Variants in PDE10A observed in about 807,000 individuals in gnomAD.
PDE10A encodes the protein cAMP and cAMP-inhibited cGMP 3',5'-cyclic phosphodiesterase 10A.
Under a neutral mutation model 97.7 loss-of-function variants are expected in PDE10A, and 39 were observed. The observed-to-expected ratio is 0.40, with a 90% CI of 0.31 to 0.52. PDE10A has a LOEUF of 0.52. PDE10A is among the 20% of genes least tolerant of loss of function. PDE10A has a pLI of 0.56. For missense variants in PDE10A, 731 were observed against 1,047.8 expected, an observed-to-expected ratio of 0.70 and a Z score of 4.17; for synonymous variants, 371 against 376.8, an observed-to-expected ratio of 0.98 and a Z score of 0.18.
chr6:165,602,854 A>G (rs1787030230), intron 1 of PDE10A, among the ~76,000 whole-genome samples: 1 of 152,108 alleles, frequency 6.6e-6, no homozygotes, highest in African/African-American at 2.4e-5. Flanking sequence ...CTATCACTGA[A>G]GAGCCTCATC....
At chr6:165,919,967 G>T (rs935213124) in intron 1 of PDE10A, among the ~76,000 whole-genome samples, 1 of 152,042 alleles carries the variant, frequency 6.6e-6, no homozygotes. Context: ...TTTTGGTATG[G>T]CTTATGCCAT....
intron 1 of PDE10A, among the ~76,000 whole-genome samples, chr6:165,746,351 A>C (rs1250436855): frequency 6.6e-6 from 1 of 152,214 alleles, no homozygotes; most frequent in Admixed American, 6.5e-5. Flanking sequence ...AGATTCTATC[A>C]AAGATTATTT....
intron 16 of PDE10A, among the ~76,000 whole-genome samples, chr6:165,389,073 G>A (rs964940932): frequency 6.6e-6 from 1 of 152,152 alleles, no homozygotes; most frequent in Non-Finnish European, 1.5e-5. Flanking sequence ...AGAGCACGCC[G>A]GGCAGGGGAG....
At chr6:165,870,890 T>C (rs1781188183) in intron 1 of PDE10A, among the ~76,000 whole-genome samples, 1 of 152,054 alleles carries the variant, frequency 6.6e-6, no homozygotes, top group Non-Finnish European at 1.5e-5. Flanking sequence ...ATGTGGGAGC[T>C]AAAAATGTTG....
intron 1 of PDE10A, among the ~76,000 whole-genome samples, chr6:165,750,914 AGTT>A (rs1299617681): frequency 6.6e-6 from 1 of 152,174 alleles, no homozygotes; most frequent in Non-Finnish European, 1.5e-5. Context: ...TTGTGTCCTA[AGTT>A]GTTGTTGGCA....
intron 5 of PDE10A, among the ~76,000 whole-genome samples, chr6:165,441,339 T>C (rs1222371403): frequency 6.6e-6 from 1 of 152,248 alleles, no homozygotes; most frequent in Non-Finnish European, 1.5e-5. Flanking sequence ...CTACTGCTTA[T>C]ACATTCTTTG....
intron 1 of PDE10A, among the ~76,000 whole-genome samples, chr6:165,904,924 A>G (rs1782219862): frequency 6.6e-6 from 1 of 152,236 alleles, no homozygotes; most frequent in African/African-American, 2.4e-5. Context: ...CTACTAATTA[A>G]TAGATTTGAG....
intron 18 of PDE10A, among the ~76,000 whole-genome samples, chr6:165,371,390 G>A (rs917560725): frequency 5.3e-5 from 8 of 152,082 alleles, no homozygotes; most frequent in Non-Finnish European, 8.8e-5. Flanking sequence ...AAATGATAAA[G>A]GGCATATTGC....
intron 1 of PDE10A, among the ~76,000 whole-genome samples, chr6:165,551,991 T>C (rs634651): frequency 0.71 from 108,085 of 151,754 alleles, 39,091 homozygotes; most frequent in African/African-American, 0.84. Context: ...ACCTCATCCA[T>C]GGTCTTCGCT....
At chr6:165,635,472 AGTGT>A (rs60572651) in intron 1 of PDE10A, among the ~76,000 whole-genome samples, 2 of 150,968 alleles carry the variant, frequency 1.3e-5, no homozygotes, top group African/African-American at 2.4e-5. Context: ...GTGGGGTGTG[AGTGT>A]GTGTGTGTGT....
At chr6:165,725,246 A>C (rs564091041) in intron 1 of PDE10A, among the ~76,000 whole-genome samples, 22 of 152,354 alleles carry the variant, frequency 1.4e-4, no homozygotes, top group Admixed American at 1.3e-3. Flanking sequence ...GAAACCCAGA[A>C]TACAGAAAGC....
At chr6:165,402,668 T>C (rs957985061) in intron 13 of PDE10A, among the ~76,000 whole-genome samples, 1 of 152,168 alleles carries the variant, frequency 6.6e-6, no homozygotes, top group Non-Finnish European at 1.5e-5. Context: ...GGCACGAGGA[T>C]ATTGAAAAGG....
At chr6:165,807,225 A>ACTTATGATGTCACACTTATGTCCACACT (rs879858485) in intron 1 of PDE10A, among the ~76,000 whole-genome samples, 2,167 of 152,288 alleles carry the variant, frequency 0.014, 42 homozygotes, top group African/African-American at 0.049. Flanking sequence ...CATAAGTCAG[A>ACTTATGATGTCACACTTATGTCCACACT]TAAGCAGATG....
chr6:165,619,654 GTAGTA>G (rs1368563157), intron 1 of PDE10A, among the ~76,000 whole-genome samples: 1 of 150,014 alleles, frequency 6.7e-6, no homozygotes, highest in South Asian at 2.1e-4. Flanking sequence ...ATAGTCTAGT[GTAGTA>G]TAGTCTAGTG....
intron 13 of PDE10A, among the ~76,000 whole-genome samples, chr6:165,406,301 G>C (rs1188913893): frequency 2.0e-5 from 3 of 148,130 alleles, no homozygotes; most frequent in Non-Finnish European, 3.0e-5. Flanking sequence ...GGAGATAGTT[G>C]AATTTTAGGA....
chr6:165,821,575 C>T (rs544973598), intron 1 of PDE10A, among the ~76,000 whole-genome samples: 36 of 152,082 alleles, frequency 2.4e-4, no homozygotes, highest in African/African-American at 8.0e-4. Context: ...AGTGCAGTGG[C>T]GTGCGTGATC....
intron 1 of PDE10A, among the ~76,000 whole-genome samples, chr6:165,622,642 T>C (rs1188232463): frequency 6.6e-6 from 1 of 152,178 alleles, no homozygotes; most frequent in African/African-American, 2.4e-5. Context: ...TAGTGGGTGA[T>C]TGTGTATGTA....
chr6:165,538,380 G>A (rs988086084), intron 2 of PDE10A, among the ~76,000 whole-genome samples: 5 of 151,982 alleles, frequency 3.3e-5, no homozygotes, highest in Admixed American at 2.6e-4. Flanking sequence ...TTTTAGACAC[G>A]ATCATAGAAA....
At chr6:165,650,635 T>A (rs1789636247) in intron 1 of PDE10A, among the ~76,000 whole-genome samples, 1 of 152,348 alleles carries the variant, frequency 6.6e-6, no homozygotes. Context: ...ATTAGATGGT[T>A]TCCAATGTCC....
Sources: gnomAD v4.1 joint callset for allele counts (sites outside exome capture counted in the v4.1 genomes callset) on GRCh38, gnomAD v4.1.1 for gene constraint, MANE v1.5 for transcripts, NCBI Gene and HGNC (gene_info 2026-07-23, HGNC 2026-07-21) for gene names.